ANAPC15: variants seen among roughly 807,000 people sequenced by gnomAD.
ANAPC15 encodes anaphase promoting complex subunit 15, also known as anaphase-promoting complex subunit 15.
A neutral mutation model predicts 19.8 loss-of-function variants in ANAPC15; 13 were observed. The ratio of observed to expected loss-of-function variants is 0.66; its 90% CI spans 0.43 to 1.04. ANAPC15 has a LOEUF of 1.04. Ranked by LOEUF, ANAPC15 falls within the 50% of genes least tolerant of loss-of-function variation. The pLI is 0.00. For synonymous variants in ANAPC15, 45 were observed against 50.7 expected, an observed-to-expected ratio of 0.89 and a Z score of 0.47; for missense variants, 88 against 150.3, an observed-to-expected ratio of 0.59 and a Z score of 2.17.
intron 1 of ANAPC15, chr11:72,112,043 G>A (rs1260158331): frequency 6.5e-6 from 1 of 153,164 alleles, no homozygotes; most frequent in Non-Finnish European, 1.5e-5. Flanking sequence ...CTGGCTTTAG[G>A]TCATACAGTG....
At chr11:72,109,586 G>T (rs1946146911), downstream of ANAPC15, 1 of 531,280 alleles carries the variant, frequency 1.9e-6, no homozygotes. Context: ...ATAGACATGG[G>T]TGGAAAATCA....
At chr11:72,108,967 C>T (rs1946039824), downstream of ANAPC15, 1 of 1,446,642 alleles carries the variant, frequency 6.9e-7, no homozygotes, top group African/African-American at 1.4e-5. Context: ...ACCCCCACCC[C>T]CACCCAAGCA....
intron 4 of ANAPC15, 23 bp downstream of exon 4, chr11:72,110,521 C>T (rs747419504): frequency 6.2e-7 from 1 of 1,613,970 alleles, no homozygotes; most frequent in East Asian, 2.2e-5. Context: ...CCCACACAGG[C>T]CCCACCTGCT....
At chr11:72,107,421 C>T (rs1332771248), downstream of ANAPC15, 1 of 701,040 alleles carries the variant, frequency 1.4e-6, no homozygotes, top group East Asian at 2.7e-5. Context: ...GGAGAAAGAG[C>T]AACATTTGAA....
chr11:72,111,156 C>T lies in ANAPC15; in HGVS notation c.120+1G>A. On this transcript the variant is annotated splice_donor_variant, in intron 3 of 5. Coordinates refer to ENST00000227618, the MANE Select transcript of ANAPC15 (RefSeq NM_014042.3). LOFTEE classifies it high-confidence loss of function. ...CTGTGCTGTGCTAGCTGCTCACTCACCCAGGCCTGATGCTGCTGTTCCTGC... is the reference window on the plus strand; with the variant it reads ...CTGTGCTGTGCTAGCTGCTCACTCATCCAGGCCTGATGCTGCTGTTCCTGC... 1.9e-6 allele frequency: 3 copies of T among 1,544,014 alleles called. No individual in the cohort carries two copies. Among genetic ancestry groups the T allele is most frequent in the Non-Finnish European group, 2.6e-6 (3 of 1,134,092 alleles).
chr11:72,109,816 G>C lies in ANAPC15; in HGVS notation c.*65C>G. 1 of 1,597,276 alleles carries C rather than the reference G, an allele frequency of 6.3e-7. No homozygotes were observed. On this transcript the variant is annotated 3_prime_UTR_variant, in exon 6 of 6. Coordinates refer to ENST00000227618, the MANE Select transcript of ANAPC15 (RefSeq NM_014042.3). ...AGCTGGTTCTGTGGGCAGGGGTTGG[G>C]GGTTGGGATGCAGGGTAGTTTGGGC...
chr11:72,111,827 G>T (rs1464434267), intron 1 of ANAPC15: 2 of 154,674 alleles, frequency 1.3e-5, no homozygotes, highest in African/African-American at 4.8e-5. Context: ...CGGGGTGGAG[G>T]GATTGTAGCA....
chr11:72,108,837 ACC>A, downstream of ANAPC15: 1 of 1,550,682 alleles, frequency 6.4e-7, no homozygotes, highest in South Asian at 1.2e-5. Flanking sequence ...TGTGGCCGCT[ACC>A]GCTGCCGCCT....
downstream of ANAPC15, chr11:72,108,269 T>A: frequency 1.5e-6 from 1 of 687,856 alleles, no homozygotes; most frequent in Non-Finnish European, 2.3e-6. Flanking sequence ...TGCCCTCCTG[T>A]CCCAAGTCAT....
chr11:72,108,143 C>A, downstream of ANAPC15: 2 of 1,473,574 alleles, frequency 1.4e-6, no homozygotes, highest in African/African-American at 2.8e-5. Flanking sequence ...CTCCCCAACC[C>A]AGATTTTTGT....
chr11:72,108,872 T>G, downstream of ANAPC15: 2 of 1,550,318 alleles, frequency 1.3e-6, no homozygotes, highest in Non-Finnish European at 1.7e-6. Flanking sequence ...CCTTCCAGAC[T>G]TCCCTGCCAT....
At chr11:72,108,227 G>A, downstream of ANAPC15, 2 of 999,790 alleles carry the variant, frequency 2.0e-6, no homozygotes, top group Non-Finnish European at 1.4e-6. Flanking sequence ...CTCCACTCTG[G>A]GGACTGTGAT....
intron 5 of ANAPC15, 80 bp from the exon 6 acceptor site, chr11:72,110,008 G>A: frequency 6.2e-7 from 1 of 1,614,040 alleles, no homozygotes; most frequent in South Asian, 1.1e-5. Context: ...TGGATCCAGG[G>A]TTTCTGTACC....
rs1946824038 is a variant in ANAPC15 at position 72,111,240 on chromosome 11, T to A, written c.37A>T (p.Thr13Ser). 1.2e-6 allele frequency: 2 copies of A among 1,613,880 alleles called. No homozygotes were observed. The highest frequency in any genetic ancestry group is 2.7e-5 in the African/African-American group (2 of 74,906). Residue 13 changes from threonine to serine, a missense_variant, in exon 3 of 6, where the codon ACT becomes TCT. Thr to Ser is a moderately conservative substitution (Grantham distance 58). Transcript: ENST00000227618. ...TCCAGATTAAACCACAGAGTCTCAG[T>A]CACACGAGGGAAGAGTGAGGGGAAC... The part of the protein sequence containing the change: ...TLFPSLFPRV[T>S]ETLWFNLDRP...
chr11:72,110,642 A>G (rs1946555042), intron 3 of ANAPC15, 39 bp from the exon 4 acceptor site: 3 of 1,613,586 alleles, frequency 1.9e-6, no homozygotes, highest in South Asian at 1.1e-5. Context: ...CCAGAGCCCA[A>G]GTAGGGCAGG....
chr11:72,108,036 C>T, downstream of ANAPC15: 1 of 1,551,386 alleles, frequency 6.4e-7, no homozygotes, highest in East Asian at 2.4e-5. Flanking sequence ...CCCTGGGGGT[C>T]GCCTTCTTAC....
chr11:72,108,641 C>G, downstream of ANAPC15: 1 of 1,501,688 alleles, frequency 6.7e-7, no homozygotes. Flanking sequence ...GGACGTGATC[C>G]CGTGCCTACG....
downstream of ANAPC15, chr11:72,107,697 C>A: frequency 1.6e-6 from 1 of 617,762 alleles, no homozygotes. Context: ...TCACAGGAGC[C>A]AAGGAGTAAT....
intron 1 of ANAPC15, chr11:72,112,253 G>C (rs893294092): frequency 6.4e-6 from 1 of 156,314 alleles, no homozygotes. Context: ...CAGCGATCTC[G>C]GCTCCGAAAG....
Sources: gnomAD v4.1 joint callset for allele counts on GRCh38, gnomAD v4.1.1 for gene constraint, MANE v1.5 for transcripts, NCBI Gene and HGNC (gene_info 2026-07-23, HGNC 2026-07-21) for gene names.